Variants in ZFHX3 observed in about 807,000 individuals in gnomAD.
The protein encoded by ZFHX3 is zinc finger homeobox protein 3.
Under a neutral mutation model 279.1 loss-of-function variants are expected in ZFHX3, and 42 were observed. The ratio of observed to expected loss-of-function variants is 0.15; its 90% CI spans 0.12 to 0.19. ZFHX3 has a LOEUF of 0.19. Among genes scored for constraint, ZFHX3 ranks in the 10% least tolerant of loss-of-function variants. ZFHX3 has a pLI of 1.00. For missense variants in ZFHX3, 4,981 were observed against 4,754.0 expected, an observed-to-expected ratio of 1.05 and a Z score of -1.40; for synonymous variants, 2,293 against 1,957.8, an observed-to-expected ratio of 1.17 and a Z score of -4.52.
At chr16:73,159,890 G>A (rs1427240146) in intron 5 of ZFHX3, among the ~76,000 whole-genome samples, 1 of 152,120 alleles carries the variant, frequency 6.6e-6, no homozygotes, top group Non-Finnish European at 1.5e-5. Flanking sequence ...AGCCTCCCGA[G>A]TAGCTGGGAC....
At chr16:72,851,071 C>T (rs1403876877) in intron 4 of ZFHX3, among the ~76,000 whole-genome samples, 1 of 152,090 alleles carries the variant, frequency 6.6e-6, no homozygotes, top group African/African-American at 2.4e-5. Context: ...GAAATATTTC[C>T]TTTCACTTAT....
At chr16:73,772,347 AAG>A (rs1382762340) in intron 1 of ZFHX3, among the ~76,000 whole-genome samples, 1 of 152,218 alleles carries the variant, frequency 6.6e-6, no homozygotes, top group Non-Finnish European at 1.5e-5. Context: ...GCAGCAGGCA[AAG>A]AGAGAGCTTG....
intron 4 of ZFHX3, among the ~76,000 whole-genome samples, chr16:73,299,329 A>C (rs1391817202): frequency 2.6e-5 from 4 of 152,162 alleles, no homozygotes; most frequent in Non-Finnish European, 4.4e-5. Flanking sequence ...AGAGGGTGAA[A>C]TAATGTAACA....
At chr16:73,790,061 A>G (rs1959776453) in intron 1 of ZFHX3, among the ~76,000 whole-genome samples, 1 of 152,192 alleles carries the variant, frequency 6.6e-6, no homozygotes, top group Non-Finnish European at 1.5e-5. Flanking sequence ...AATTTGCTCC[A>G]GGCTGAAACT....
chr16:72,956,362 T>C (rs1034091662), intron 2 of ZFHX3, among the ~76,000 whole-genome samples: 2 of 152,140 alleles, frequency 1.3e-5, no homozygotes, highest in African/African-American at 4.8e-5. Context: ...CGAAGTCCAT[T>C]AGCAGCGTCA....
intron 6 of ZFHX3, among the ~76,000 whole-genome samples, chr16:73,136,272 G>C (rs1966789979): frequency 6.6e-6 from 1 of 151,930 alleles, no homozygotes; most frequent in Non-Finnish European, 1.5e-5. Context: ...GGAGATCTTG[G>C]GGACTCCATT....
chr16:72,931,445 ACACACACACAC>A (rs1040133397), intron 3 of ZFHX3, among the ~76,000 whole-genome samples: 12 of 146,624 alleles, frequency 8.2e-5, no homozygotes, highest in Admixed American at 6.1e-4. Flanking sequence ...ACACACACAC[ACACACACACAC>A]TCTTCAGCTT....
intron 5 of ZFHX3, among the ~76,000 whole-genome samples, chr16:73,241,039 A>G (rs187568459): frequency 5.9e-5 from 9 of 152,334 alleles, no homozygotes; most frequent in Admixed American, 5.9e-4. Flanking sequence ...TTTTTCTCAA[A>G]GAAAGAAAAC....
At chr16:73,335,044 T>C (rs927190755) in intron 3 of ZFHX3, among the ~76,000 whole-genome samples, 4 of 152,054 alleles carry the variant, frequency 2.6e-5, no homozygotes, top group African/African-American at 9.7e-5. Context: ...GAACCAATTA[T>C]TAGGTGACCA....
intron 2 of ZFHX3, among the ~76,000 whole-genome samples, chr16:73,584,314 C>T (rs1039216543): frequency 6.6e-6 from 1 of 152,130 alleles, no homozygotes; most frequent in Non-Finnish European, 1.5e-5. Flanking sequence ...GAACAAATAA[C>T]AGTAAATCCA....
At chr16:73,764,056 C>T (rs1376879027) in intron 1 of ZFHX3, among the ~76,000 whole-genome samples, 1 of 152,162 alleles carries the variant, frequency 6.6e-6, no homozygotes, top group Admixed American at 6.5e-5. Flanking sequence ...GCCCCAGACT[C>T]CTGACCTACA....
chr16:73,515,927 T>C (rs1402889888), intron 2 of ZFHX3, among the ~76,000 whole-genome samples: 1 of 152,234 alleles, frequency 6.6e-6, no homozygotes, highest in Non-Finnish European at 1.5e-5. Flanking sequence ...ATATTCTCTG[T>C]GCAAATGCAA....
chr16:72,845,557 G>A (rs1048124865), intron 4 of ZFHX3, among the ~76,000 whole-genome samples: 28 of 152,130 alleles, frequency 1.8e-4, no homozygotes, highest in Admixed American at 1.0e-3. Context: ...GTGCTCCCAC[G>A]CTCTGTGTCA....
intron 3 of ZFHX3, among the ~76,000 whole-genome samples, chr16:73,450,623 T>C (rs1191851922): frequency 6.6e-6 from 1 of 152,258 alleles, no homozygotes; most frequent in African/African-American, 2.4e-5. Context: ...TTAGAAGAGC[T>C]AGCCTCTTGG....
chr16:73,675,023 G>A (rs897227510), intron 2 of ZFHX3, among the ~76,000 whole-genome samples: 3 of 152,178 alleles, frequency 2.0e-5, no homozygotes, highest in Non-Finnish European at 4.4e-5. Context: ...CATGGACACA[G>A]AAGCAAGCCA....
At chr16:73,536,313 T>C (rs1418359829) in intron 2 of ZFHX3, among the ~76,000 whole-genome samples, 1 of 152,192 alleles carries the variant, frequency 6.6e-6, no homozygotes, top group Non-Finnish European at 1.5e-5. Flanking sequence ...ATTCAAAATA[T>C]GAAGTTCACA....
chr16:73,834,229 T>G (rs1961078147), intron 1 of ZFHX3, among the ~76,000 whole-genome samples: 1 of 152,212 alleles, frequency 6.6e-6, no homozygotes, highest in Non-Finnish European at 1.5e-5. Flanking sequence ...TGAAACACAT[T>G]TCTTCATCTC....
intron 2 of ZFHX3, among the ~76,000 whole-genome samples, chr16:73,671,329 G>A (rs140060913): frequency 2.0e-5 from 3 of 152,272 alleles, no homozygotes; most frequent in East Asian, 3.9e-4. Context: ...GGAGGAAAGC[G>A]GAGCAAAGCC....
At chr16:73,349,000 A>C (rs1360526072) in intron 3 of ZFHX3, among the ~76,000 whole-genome samples, 1 of 152,186 alleles carries the variant, frequency 6.6e-6, no homozygotes, top group Non-Finnish European at 1.5e-5. Flanking sequence ...GGATGGTTTT[A>C]TTATCCTGGG....
Sources: gnomAD v4.1 joint callset for allele counts (sites outside exome capture counted in the v4.1 genomes callset) on GRCh38, gnomAD v4.1.1 for gene constraint, MANE v1.5 for transcripts, NCBI Gene and HGNC (gene_info 2026-07-23, HGNC 2026-07-21) for gene names.